Variants in UBQLN3 observed in about 807,000 individuals in gnomAD.
UBQLN3 encodes the protein ubiquilin-3.
A neutral mutation model predicts 2.9 loss-of-function variants in UBQLN3; 1 was observed. That is an observed-to-expected ratio of 0.35 (90% CI 0.12 to 1.66). The LOEUF is 1.66. Among genes scored for constraint, UBQLN3 ranks in the 40% most tolerant of loss-of-function variants. The pLI, the probability that UBQLN3 is intolerant of heterozygous loss-of-function variation, is 0.35. For missense variants in UBQLN3, 924 were observed against 816.5 expected (o/e 1.13, Z -1.61); for synonymous variants, 358 against 317.6 (o/e 1.13, Z -1.35).
chr11:5,508,518 C>T lies in UBQLN3; in HGVS notation c.1041G>A (p.Gln347=). 1 of 1,614,074 alleles carries T rather than the reference C, an allele frequency of 6.2e-7. No homozygotes were observed. Among genetic ancestry groups the T allele is most frequent in the Non-Finnish European group, 8.5e-7 (1 of 1,180,022 alleles). ...GGGACTGGGGGTTCTCGTGTAATTG[C>T]TGGAGATAGTCATAGAGCCTTATAA... ...LGIIRLYDYL[Q]QLHENPQSLG... The change falls in exon 2 of 2, where the codon CAG becomes CAA. Residue 347 remains glutamine (Q), a synonymous_variant. Coordinates refer to ENST00000311659, the MANE Select transcript of UBQLN3 (RefSeq NM_017481.4). The surrounding 1 kb of genome is among the most constrained non-coding windows in gnomAD (Gnocchi z 4.2).
Position 5,508,155 on chromosome 11 carries a change from A to G in UBQLN3, c.1404T>C (p.Ile468=), listed in dbSNP as rs1237871652. The G allele has an allele frequency of 3.7e-6, 6 of 1,614,044 alleles. No homozygotes were observed. The Admixed American group carries it at 1.0e-4, about 27-fold the overall frequency. The change falls in exon 2 of 2, where the codon ATT becomes ATC. Residue 468 remains isoleucine, a synonymous_variant. Transcript: ENST00000311659. This position sits in a 1 kb window ranked among gnomAD's most constrained non-coding sequence, Gnocchi z 4.2. ...APLSFSPTAA[I]PGIPEPPWLP... is the part of the protein sequence containing the mutation. ...GCCAGGGAGGCTCAGGGATTCCAGG[A>G]ATGGCTGCCGTGGGGGAAAAAGATA...
chr11:5,508,803 A>G lies in UBQLN3; in HGVS notation c.756T>C (p.Asn252=), dbSNP rs756368818. The change falls in exon 2 of 2, where the codon AAT becomes AAC. Residue 252 remains asparagine (N), a synonymous_variant. Transcript: ENST00000311659. This position sits in a 1 kb window ranked among gnomAD's most constrained non-coding sequence, Gnocchi z 4.2. ...TATCTGTGTACATAGTGCAAAGCACATTGTAGCCACCAGGAATGCTCTCCA... is the reference window on the plus strand; with the variant it reads ...TATCTGTGTACATAGTGCAAAGCACGTTGTAGCCACCAGGAATGCTCTCCA... ...SNLESIPGGY[N]VLCTMYTDIM... 4 of 1,614,200 alleles carry G rather than the reference A, an allele frequency of 2.5e-6. No individual in the cohort carries two copies. Among genetic ancestry groups the G allele is most frequent in the Non-Finnish European group, 3.4e-6 (4 of 1,180,032 alleles).
At position 5,507,624 on chromosome 11, in the gene UBQLN3, C is replaced by T. The variant is rs780627009; in HGVS notation, c.1935G>A (p.Val645=). 1.9e-6 allele frequency: 3 copies of T among 1,612,018 alleles called. No individual in the cohort carries two copies. The highest frequency in any genetic ancestry group is 2.5e-6 in the Non-Finnish European group (3 of 1,178,732). The change falls in exon 2 of 2, where the codon GTG becomes GTA. Residue 645 remains valine (V), a synonymous_variant. Transcript: ENST00000311659. ...LQALIATGGD[V]DAAVEKLRQS ...GTCTCAGCTTCTCCACAGCAGCATC[C>T]ACGTCGCCCCCCGTAGCAATGAGGG...
rs1272574331 is a variant in UBQLN3, at chr11:5,508,059, C to G, written c.1500G>C (p.Glu500Asp). 2 of 1,613,938 alleles carry G rather than the reference C, an allele frequency of 1.2e-6. No individual in the cohort carries two copies. The highest frequency in any genetic ancestry group is 2.7e-5 in the African/African-American group (2 of 74,938). ...TCAGCAGTGGCAGCTGTGGTTGTAT[C>G]TCATCCTGTAACTGTGGAGCTGGAT... The part of the protein sequence containing the change: ...GMNPAPQLQD[E>D]IQPQLPLLMH... Residue 500 changes from glutamate to aspartate, a missense_variant, in exon 2 of 2, where the codon GAG becomes GAC. Transcript: ENST00000311659. This position sits in a 1 kb window ranked among gnomAD's most constrained non-coding sequence, Gnocchi z 4.2.
rs371384726 is a variant in UBQLN3, at chr11:5,509,600, G to T, written c.-36-6C>A. On this transcript the variant is annotated splice_region_variant and splice_polypyrimidine_tract_variant and intron_variant, in intron 1 of 1. Coordinates refer to ENST00000311659, the MANE Select transcript of UBQLN3 (RefSeq NM_017481.4). ...CCAGATCTGTGGGGACACAGCTAGG[G>T]GCATGGGGATTGGAGACCAAGATCA... 2.2e-5 allele frequency: 34 copies of T among 1,577,774 alleles called. No individual in the cohort carries two copies. The African/African-American group carries it at 3.7e-4, about 17-fold the overall frequency.
chr11:5,507,637 G>A lies in UBQLN3; in HGVS notation c.1922C>T (p.Thr641Met), dbSNP rs531602870. Residue 641 changes from threonine (T) to methionine (M), a missense_variant, in exon 2 of 2, where the codon ACG (threonine) becomes ATG (methionine). By Grantham distance (81) the Thr-to-Met change is moderately conservative. Transcript: ENST00000311659. ...CACAGCAGCATCCACGTCGCCCCCC[G>A]TAGCAATGAGGGCCTGAAGATTGGC... The part of the protein sequence containing the change: ...REANLQALIA[T>M]GGDVDAAVEK... 50 of 1,613,620 alleles carry A rather than the reference G, an allele frequency of 3.1e-5. No individual in the cohort carries two copies. Among genetic ancestry groups the A allele is most frequent in the South Asian group, 1.6e-4 (15 of 91,036 alleles).
Position 5,509,187 on chromosome 11 carries a change from G to A in UBQLN3, c.372C>T (p.Tyr124=). 1 of 1,614,026 alleles carries A rather than the reference G, an allele frequency of 6.2e-7. No individual in the cohort carries two copies. The highest frequency in any genetic ancestry group is 1.7e-4 in the Middle Eastern group (1 of 6,060). Residue 124 remains tyrosine, a synonymous_variant, in exon 2 of 2, where the codon TAC becomes TAT. Coordinates refer to ENST00000311659, the MANE Select transcript of UBQLN3 (RefSeq NM_017481.4). The part of the protein sequence containing the change: ...PGSLPQPSSI[Y]PADGPPAFSL... ...TAAAGGCAGGGGGCCCATCTGCTGGGTAAATGGAGCTTGGCTGAGGGAGTG... is the reference window on the plus strand; with the variant it reads ...TAAAGGCAGGGGGCCCATCTGCTGGATAAATGGAGCTTGGCTGAGGGAGTG...
chr11:5,507,521 G>A lies in UBQLN3; in HGVS notation c.*70C>T, dbSNP rs1846394274. 2 of 1,515,724 alleles carry A rather than the reference G, an allele frequency of 1.3e-6. No homozygotes were observed. Among genetic ancestry groups the A allele is most frequent in the Non-Finnish European group, 1.8e-6 (2 of 1,132,918 alleles). 93.9% of individuals were successfully genotyped at this position (1,515,724 alleles called of 1,614,324 possible). On this transcript the variant is annotated 3_prime_UTR_variant, in exon 2 of 2. Transcript: ENST00000311659. ...TATAATGCAGCTGTATTCAAAAATG[G>A]GAGAGCTAGGGAACTAGGATATGGG...
rs766273492 is a variant in UBQLN3 at position 5,508,735 on chromosome 11, C to A, written c.824G>T (p.Gly275Val). ...AGTAGTGGCAGTGGCAAAGGGATTG[C>A]CGCCAAACTGCTCCTGGACTGCGTT... ...MLNAVQEQFGGNPFATATTDN... is the reference protein window; with the variant it reads ...MLNAVQEQFGVNPFATATTDN... Residue 275 changes from glycine to valine, a missense_variant, in exon 2 of 2, where the codon GGC (glycine) becomes GTC (valine). Transcript: ENST00000311659. This position sits in a 1 kb window ranked among gnomAD's most constrained non-coding sequence, Gnocchi z 4.2. 2 of 1,613,880 alleles carry A rather than the reference C, an allele frequency of 1.2e-6. No individual in the cohort carries two copies. Among genetic ancestry groups the A allele is most frequent in the South Asian group, 2.2e-5 (2 of 91,070 alleles).
chr11:5,507,824 C>T lies in UBQLN3; in HGVS notation c.1735G>A (p.Val579Met), dbSNP rs1350067863. The T allele has an allele frequency of 1.9e-6, 3 of 1,613,898 alleles. No individual in the cohort carries two copies. The highest frequency in any genetic ancestry group is 2.7e-5 in the African/African-American group (2 of 74,918). ...TCTGCAGAGTCCAGTGCTGGGAACACCTCAGGAGGTGGATTTGGGAGAGGA... is the reference window on the plus strand; with the variant it reads ...TCTGCAGAGTCCAGTGCTGGGAACATCTCAGGAGGTGGATTTGGGAGAGGA... ...EDPLPNPPPEVFPALDSAELG... is the reference protein window; with the variant it reads ...EDPLPNPPPEMFPALDSAELG... Residue 579 changes from valine to methionine, a missense_variant, in exon 2 of 2, where the codon GTG (valine) becomes ATG (methionine). Val to Met is a conservative substitution (Grantham distance 21, BLOSUM62 1). Transcript: ENST00000311659.
Position 5,507,587 on chromosome 11 carries a change from G to A in UBQLN3, c.*4C>T. 1 of 1,589,004 alleles carries A rather than the reference G, an allele frequency of 6.3e-7. No individual in the cohort carries two copies. The highest frequency in any genetic ancestry group is 8.6e-7 in the Non-Finnish European group (1 of 1,166,026). On this transcript the variant is annotated 3_prime_UTR_variant, in exon 2 of 2. Transcript: ENST00000311659. ...AAAACGTATGGTTTGAATGAATAAG[G>A]CTCCTACGACTGTCTCAGCTTCTCC...
In UBQLN3 at chr11:5,508,544, T is replaced by C. The variant is rs1177494567; in HGVS notation, c.1015A>G (p.Ile339Val). The change falls in exon 2 of 2, where the codon ATT becomes GTT. Residue 339 changes from isoleucine (I) to valine (V), a missense_variant. Physicochemically the swap from Ile to Val is conservative, Grantham distance 29. Coordinates refer to ENST00000311659, the MANE Select transcript of UBQLN3 (RefSeq NM_017481.4). This position sits in a 1 kb window ranked among gnomAD's most constrained non-coding sequence, Gnocchi z 4.2. ...TGGAGATAGTCATAGAGCCTTATAA[T>C]ACCCAGAAAGTTTGGAAACCTATTT... ...IRNRFPNFLG[I>V]IRLYDYLQQL... 4 of 1,614,018 alleles carry C rather than the reference T, an allele frequency of 2.5e-6. No homozygotes were observed. The highest frequency in any genetic ancestry group is 2.7e-5 in the African/African-American group (2 of 74,902).
In UBQLN3 at chr11:5,508,513, A is replaced by G. The variant is rs762332006; in HGVS notation, c.1046T>C (p.Leu349Ser). ...IIRLYDYLQQ[L>S]HENPQSLGTY... ...TCCTAGGGACTGGGGGTTCTCGTGT[A>G]ATTGCTGGAGATAGTCATAGAGCCT... The change falls in exon 2 of 2, where the codon TTA (leucine) becomes TCA (serine). Residue 349 changes from leucine (L) to serine (S), a missense_variant. Coordinates refer to ENST00000311659, the MANE Select transcript of UBQLN3 (RefSeq NM_017481.4). This position sits in a 1 kb window ranked among gnomAD's most constrained non-coding sequence, Gnocchi z 4.2. The G allele has an allele frequency of 1.9e-6, 3 of 1,614,094 alleles. No individual in the cohort carries two copies. Among genetic ancestry groups the G allele is most frequent in the Non-Finnish European group, 2.5e-6 (3 of 1,180,028 alleles).
rs1315932623 is a variant in UBQLN3, at chr11:5,508,132, C to A, written c.1427G>T (p.Trp476Leu). The change falls in exon 2 of 2, where the codon TGG (tryptophan) becomes TTG (leucine). Residue 476 changes from tryptophan (W) to leucine (L), a missense_variant. Coordinates refer to ENST00000311659, the MANE Select transcript of UBQLN3 (RefSeq NM_017481.4). This position sits in a 1 kb window ranked among gnomAD's most constrained non-coding sequence, Gnocchi z 4.2. ...AAIPGIPEPPWLPSPAYPRSL... is the reference protein window; with the variant it reads ...AAIPGIPEPPLLPSPAYPRSL... ...TCTTGGATAAGCCGGGGATGGCAGC[C>A]AGGGAGGCTCAGGGATTCCAGGAAT... is the stretch of plus-strand genomic sequence containing the variant. The A allele has an allele frequency of 6.2e-7, 1 of 1,614,048 alleles. No individual in the cohort carries two copies. The highest frequency in any genetic ancestry group is 1.3e-5 in the African/African-American group (1 of 74,926).
rs755052738 is a variant in UBQLN3, at chr11:5,509,602, C to G, written c.-36-8G>C. ...AGATCTGTGGGGACACAGCTAGGGG[C>G]ATGGGGATTGGAGACCAAGATCATC... On this transcript the variant is annotated splice_region_variant and splice_polypyrimidine_tract_variant and intron_variant, in intron 1 of 1. Coordinates refer to ENST00000311659, the MANE Select transcript of UBQLN3 (RefSeq NM_017481.4). The G allele has an allele frequency of 6.3e-7, 1 of 1,575,524 alleles. No individual in the cohort carries two copies.
Position 5,507,881 on chromosome 11 carries a change from C to G in UBQLN3, c.1678G>C (p.Glu560Gln), listed in dbSNP as rs1846402604. 6.2e-7 allele frequency: 1 copy of G among 1,613,812 alleles called. No individual in the cohort carries two copies. The highest frequency in any genetic ancestry group is 8.5e-7 in the Non-Finnish European group (1 of 1,180,044). ...GACATAAGGGGATCTTCTCTAGACT[C>G]TATACCTCCTGCCACACTACCCGTC... The part of the protein sequence containing the change: ...AGTGSVAGGI[E>Q]SREDPLMSED... Residue 560 changes from glutamate to glutamine, a missense_variant, in exon 2 of 2, where the codon GAG becomes CAG. Physicochemically the swap from Glu to Gln is conservative, Grantham distance 29 (BLOSUM62 2). Transcript: ENST00000311659.
At position 5,509,107 on chromosome 11, in the gene UBQLN3, GGGAAGCCACGATA is replaced by G. The variant is rs1461029177; in HGVS notation, c.439_451del (p.Tyr147LeufsTer7). ...CCGCATCAGGGAGCTTGGCTGGTCA[GGGAAGCCACGATA>G]GGCCAAGCCCAGCCTACTGAGGCCT... On this transcript the variant is annotated frameshift_variant, in exon 2 of 2. Coordinates refer to ENST00000311659, the MANE Select transcript of UBQLN3 (RefSeq NM_017481.4). LOFTEE classifies it low-confidence loss of function (END_TRUNC). The G allele has an allele frequency of 6.2e-7, 1 of 1,614,188 alleles. No homozygotes were observed. The highest frequency in any genetic ancestry group is 8.5e-7 in the Non-Finnish European group (1 of 1,180,042).
Position 5,507,886 on chromosome 11 carries a change from C to A in UBQLN3, c.1673G>T (p.Gly558Val), listed in dbSNP as rs760176228. Reference sequence around the variant, plus strand: ...AAGGGGATCTTCTCTAGACTCTATACCTCCTGCCACACTACCCGTCCCTGC... The same window carrying A: ...AAGGGGATCTTCTCTAGACTCTATAACTCCTGCCACACTACCCGTCCCTGC... Reference protein sequence around the residue: ...CLAGTGSVAGGIESREDPLMS... With the variant: ...CLAGTGSVAGVIESREDPLMS... Residue 558 changes from glycine to valine, a missense_variant, in exon 2 of 2, where the codon GGT becomes GTT. Coordinates refer to ENST00000311659, the MANE Select transcript of UBQLN3 (RefSeq NM_017481.4). 2 of 1,613,830 alleles carry A rather than the reference C, an allele frequency of 1.2e-6. No homozygotes were observed. The highest frequency in any genetic ancestry group is 2.2e-5 in the East Asian group (1 of 44,862).
In UBQLN3 at chr11:5,509,308, C is replaced by T; in HGVS notation, c.251G>A (p.Gly84Asp). Residue 84 changes from glycine (G) to aspartate (D), a missense_variant, in exon 2 of 2, where the codon GGC becomes GAC. By Grantham distance (94) the Gly-to-Asp change is moderately conservative (BLOSUM62 -1). Transcript: ENST00000311659. ...DSLAQCGVRDGLTVHLVIKRQ... is the reference protein window; with the variant it reads ...DSLAQCGVRDDLTVHLVIKRQ... ...CTTGATGACCAGGTGGACAGTGAGG[C>T]CATCTCGCACTCCACACTGTGCCAG... 1 of 1,614,126 alleles carries T rather than the reference C, an allele frequency of 6.2e-7. No individual in the cohort carries two copies. Among genetic ancestry groups the T allele is most frequent in the East Asian group, 2.2e-5 (1 of 44,880 alleles).
Sources: allele counts gnomAD v4.1 joint callset, GRCh38; gene constraint gnomAD v4.1.1; non-coding constraint Gnocchi (gnomAD v3.1); transcripts MANE v1.5; gene names NCBI Gene and HGNC (gene_info 2026-07-23, HGNC 2026-07-21).